The following NR2F1-AS1 variants were observed in gnomAD, a reference collection of about 807,000 sequenced individuals.
NR2F1-AS1 encodes NR2F1 regulatory antisense RNA 1.
chr5:93,584,789 G>T, upstream of NR2F1-AS1: 1 of 153,860 alleles, frequency 6.5e-6, no homozygotes, highest in Non-Finnish European at 1.4e-5. Context: ...GGGCGGGCGG[G>T]CGCGCAGCAG....
chr5:93,477,813 CA>C (rs1247887794), intron 4 of NR2F1-AS1, among the ~76,000 whole-genome samples: 1 of 152,162 alleles, frequency 6.6e-6, no homozygotes, highest in Admixed American at 6.5e-5. Flanking sequence ...AAGTGGAACT[CA>C]AAAAGCATCT....
intron 4 of NR2F1-AS1, among the ~76,000 whole-genome samples, chr5:93,536,269 C>A (rs977712196): frequency 6.6e-6 from 1 of 152,066 alleles, no homozygotes; most frequent in African/African-American, 2.4e-5. Context: ...AACTATAAAG[C>A]ACTGATGAAA....
intron 4 of NR2F1-AS1, among the ~76,000 whole-genome samples, chr5:93,536,703 T>C (rs1751846787): frequency 1.3e-5 from 2 of 152,172 alleles, no homozygotes; most frequent in East Asian, 3.8e-4. Flanking sequence ...ATGTCTTCAA[T>C]AAATGATGAT....
intron 1 of NR2F1-AS1, among the ~76,000 whole-genome samples, chr5:93,568,860 G>A (rs1332749504): frequency 6.6e-6 from 1 of 152,136 alleles, no homozygotes; most frequent in Non-Finnish European, 1.5e-5. Context: ...AGGGGAGAAC[G>A]AGAGGAACAA....
intron 4 of NR2F1-AS1, among the ~76,000 whole-genome samples, chr5:93,500,532 A>G (rs1160379494): frequency 6.6e-6 from 1 of 152,174 alleles, no homozygotes; most frequent in East Asian, 1.9e-4. Flanking sequence ...ATCACCCAAG[A>G]GCTCTGATGG....
At chr5:93,533,408 G>T (rs1751773611) in intron 4 of NR2F1-AS1, among the ~76,000 whole-genome samples, 1 of 151,956 alleles carries the variant, frequency 6.6e-6, no homozygotes, top group Non-Finnish European at 1.5e-5. Flanking sequence ...AATTTATCAG[G>T]AATATCTACT....
intron 4 of NR2F1-AS1, among the ~76,000 whole-genome samples, chr5:93,460,701 T>C (rs1750069165): frequency 1.3e-5 from 2 of 152,046 alleles, no homozygotes; most frequent in East Asian, 1.9e-4. Context: ...TCAGAAGACA[T>C]ACATGCAGCC....
At chr5:93,514,047 G>A (rs2149892234) in intron 4 of NR2F1-AS1, among the ~76,000 whole-genome samples, 1 of 152,074 alleles carries the variant, frequency 6.6e-6, no homozygotes, top group East Asian at 1.9e-4. Context: ...TTGATAGATA[G>A]GATTACAGTG....
upstream of NR2F1-AS1, chr5:93,584,183 C>A (rs1327976709): frequency 6.7e-6 from 1 of 148,788 alleles, no homozygotes; most frequent in Non-Finnish European, 1.5e-5. Flanking sequence ...CGGGCGGCCC[C>A]GGCCTCCGCT....
chr5:93,475,893 T>G (rs1750473865), intron 4 of NR2F1-AS1, among the ~76,000 whole-genome samples: 1 of 152,218 alleles, frequency 6.6e-6, no homozygotes, highest in Non-Finnish European at 1.5e-5. Flanking sequence ...TAGCCAAGTT[T>G]CAGATTTTAC....
At chr5:93,422,843 T>G (rs1749116026) in intron 4 of NR2F1-AS1, among the ~76,000 whole-genome samples, 1 of 152,150 alleles carries the variant, frequency 6.6e-6, no homozygotes, top group Non-Finnish European at 1.5e-5. Context: ...TTTCCTCAGC[T>G]GGATGACTTA....
chr5:93,459,482 T>G (rs908279818), intron 4 of NR2F1-AS1, among the ~76,000 whole-genome samples: 1 of 152,302 alleles, frequency 6.6e-6, no homozygotes, highest in Non-Finnish European at 1.5e-5. Flanking sequence ...GGTAGAAATG[T>G]GGCATATACA....
chr5:93,574,830 G>T (rs1217255696), intron 1 of NR2F1-AS1, among the ~76,000 whole-genome samples: 2 of 152,172 alleles, frequency 1.3e-5, no homozygotes, highest in Admixed American at 1.3e-4. Flanking sequence ...ATATCCAGCG[G>T]CTGGGATTCT....
chr5:93,540,549 A>G (rs1751927535), intron 4 of NR2F1-AS1, among the ~76,000 whole-genome samples: 1 of 152,204 alleles, frequency 6.6e-6, no homozygotes, highest in African/African-American at 2.4e-5. Flanking sequence ...AGCACTAAAA[A>G]TTGCTTTGAA....
intron 4 of NR2F1-AS1, among the ~76,000 whole-genome samples, chr5:93,436,567 T>C (rs1383494970): frequency 6.6e-6 from 1 of 152,196 alleles, no homozygotes; most frequent in Non-Finnish European, 1.5e-5. Context: ...TTCCAACTGC[T>C]GTATTGAGGG....
At chr5:93,480,455 G>C (rs1288836302) in intron 4 of NR2F1-AS1, among the ~76,000 whole-genome samples, 1 of 147,144 alleles carries the variant, frequency 6.8e-6, no homozygotes, top group Non-Finnish European at 1.5e-5. Flanking sequence ...GACACTGCCA[G>C]ATAAAAGTTC....
intron 4 of NR2F1-AS1, among the ~76,000 whole-genome samples, chr5:93,458,048 G>A (rs1251189330): frequency 5.3e-5 from 8 of 152,150 alleles, no homozygotes; most frequent in African/African-American, 1.9e-4. Context: ...AAGCACCCAC[G>A]TTGGGCACCA....
At chr5:93,552,971 T>C (rs534949032) in intron 4 of NR2F1-AS1, among the ~76,000 whole-genome samples, 7 of 152,232 alleles carry the variant, frequency 4.6e-5, no homozygotes, top group Non-Finnish European at 8.8e-5. Context: ...CTACTGACTC[T>C]TGTAGTAATA....
At chr5:93,426,051 T>A (rs1749188334) in intron 4 of NR2F1-AS1, among the ~76,000 whole-genome samples, 1 of 151,854 alleles carries the variant, frequency 6.6e-6, no homozygotes, top group Non-Finnish European at 1.5e-5. Context: ...TAATTTTTTT[T>A]TTTTTTAAGA....
Sources: allele counts gnomAD v4.1 joint callset (sites outside exome capture counted in the v4.1 genomes callset), GRCh38; gene constraint gnomAD v4.1.1; transcripts MANE v1.5; gene names NCBI Gene and HGNC (gene_info 2026-07-23, HGNC 2026-07-21).